The following PHEX variants were observed in gnomAD, a reference collection of about 807,000 sequenced individuals.
PHEX encodes the protein phosphate regulating endopeptidase X-linked, also known as phosphate-regulating neutral endopeptidase PHEX.
A neutral mutation model predicts 68.0 loss-of-function variants in PHEX; 16 were observed. The observed-to-expected ratio is 0.24, with a 90% CI of 0.16 to 0.36. PHEX has a LOEUF of 0.36. Ranked by LOEUF, PHEX falls within the 10% of genes least tolerant of loss-of-function variation. The probability of loss-of-function intolerance (pLI) is 1.00; values close to 1 mark genes in which losing one functional copy is unlikely to be tolerated. For synonymous variants in PHEX, 208 were observed against 205.1 expected (o/e 1.01, Z -0.12); for missense variants, 480 against 575.5 (o/e 0.83, Z 1.70).
chrX:22,221,793 A>ATTTTTCCTCC (rs1407609327), intron 18 of PHEX, 50 bp downstream of exon 18: 2 of 1,083,962 alleles, frequency 1.8e-6, no homozygotes, highest in Admixed American at 4.4e-5. Flanking sequence ...ATTTTTCCTC[A>ATTTTTCCTCC]TTTGGACATT....
intron 15 of PHEX, among the ~76,000 whole-genome samples, chrX:22,211,257 C>G (rs894633368): frequency 1.8e-5 from 2 of 112,117 alleles, no homozygotes; most frequent in African/African-American, 6.5e-5. Flanking sequence ...TGTGGGGTCT[C>G]TTGTTCCAAA....
At chrX:22,033,262 C>A in intron 1 of PHEX, 139 bp downstream of exon 1, 1 of 496,305 alleles carries the variant, frequency 2.0e-6, no homozygotes, top group South Asian at 2.9e-5. Context: ...TAGTTTCTAT[C>A]AAATATGCAA....
At chrX:22,227,275 A>G (rs998814628) in intron 19 of PHEX, among the ~76,000 whole-genome samples, 5 of 112,692 alleles carry the variant, frequency 4.4e-5, no homozygotes, top group Non-Finnish European at 9.4e-5. Context: ...GAGTTATTTA[A>G]CATCTGAATG....
At chrX:22,245,748 A>G (rs1231457008) in intron 21 of PHEX, among the ~76,000 whole-genome samples, 3 of 111,523 alleles carry the variant, frequency 2.7e-5, no homozygotes, top group Non-Finnish European at 5.6e-5. Flanking sequence ...ATTACATCCC[A>G]TTATCTTCTA....
chrX:22,178,812 G>GCATTACCTATAGCTATATTGTTTTT (rs1933791619), intron 14 of PHEX, among the ~76,000 whole-genome samples: 1 of 111,804 alleles, frequency 8.9e-6, no homozygotes, highest in Admixed American at 9.5e-5. Flanking sequence ...GCCTATCAAA[G>GCATTACCTATAGCTATATTGTTTTT]AACTGATAGC....
chrX:22,222,000 A>G (rs956099191), intron 18 of PHEX, among the ~76,000 whole-genome samples: 2 of 111,787 alleles, frequency 1.8e-5, no homozygotes, highest in African/African-American at 6.5e-5. Flanking sequence ...AATCCTTGCT[A>G]TGCCTCAAAT....
At chrX:22,067,269 T>C (rs772768920) in intron 3 of PHEX, among the ~76,000 whole-genome samples, 7 of 109,651 alleles carry the variant, frequency 6.4e-5, no homozygotes, top group Non-Finnish European at 1.1e-4. Context: ...AGAAATACCC[T>C]GTATGGTATT....
chrX:22,074,720 A>G (rs1369029905), intron 3 of PHEX, among the ~76,000 whole-genome samples: 1 of 111,053 alleles, frequency 9.0e-6, no homozygotes, highest in Non-Finnish European at 1.9e-5. Flanking sequence ...TTGAATGGAA[A>G]TATATGTGGA....
intron 15 of PHEX, among the ~76,000 whole-genome samples, chrX:22,210,138 C>A (rs1473101315): frequency 9.0e-6 from 1 of 111,659 alleles, no homozygotes; most frequent in African/African-American, 3.3e-5. Flanking sequence ...ATCTATCACT[C>A]TAGCTGGTTG....
chrX:22,128,328 G>A (rs957759135), intron 11 of PHEX, among the ~76,000 whole-genome samples: 2 of 110,312 alleles, frequency 1.8e-5, no homozygotes, highest in Admixed American at 2.0e-4. Flanking sequence ...CTCCCAAAGT[G>A]CTGGGATTAC....
intron 12 of PHEX, among the ~76,000 whole-genome samples, chrX:22,147,140 CTT>C (rs1932735795): frequency 9.0e-6 from 1 of 111,357 alleles, no homozygotes; most frequent in Non-Finnish European, 1.9e-5. Context: ...ATGCCTGTCT[CTT>C]GTTTCTTTTG....
chrX:22,097,738 T>G, intron 8 of PHEX: 3 of 721,603 alleles, frequency 4.2e-6, no homozygotes, highest in Non-Finnish European at 4.9e-6. Context: ...AGGGATGCTC[T>G]GAAGAATGGA....
intron 14 of PHEX, among the ~76,000 whole-genome samples, chrX:22,188,011 T>C (rs1934085222): frequency 1.8e-5 from 2 of 111,516 alleles, no homozygotes; most frequent in African/African-American, 6.5e-5. Context: ...GAATAGAAGG[T>C]GCTTAGGACA....
chrX:22,192,880 C>T (rs1352450455), intron 15 of PHEX, among the ~76,000 whole-genome samples: 1 of 111,189 alleles, frequency 9.0e-6, no homozygotes, highest in East Asian at 2.8e-4. Flanking sequence ...TTCTTAGAGC[C>T]GCCCTCGTGT....
At chrX:22,166,264 T>C (rs1209288353) in intron 12 of PHEX, among the ~76,000 whole-genome samples, 6 of 111,809 alleles carry the variant, frequency 5.4e-5, no homozygotes, top group Non-Finnish European at 9.4e-5. Context: ...TCATCTCCTT[T>C]TATTCCCATG....
At chrX:22,166,710 G>C (rs1312281686) in intron 12 of PHEX, among the ~76,000 whole-genome samples, 2 of 110,852 alleles carry the variant, frequency 1.8e-5, no homozygotes, top group East Asian at 5.6e-4. Context: ...TCACTATGTT[G>C]TACAATACAT....
At chrX:22,111,327 T>TC in intron 9 of PHEX, 140 bp from the exon 10 acceptor site, 3 of 563,718 alleles carry the variant, frequency 5.3e-6, no homozygotes, top group Non-Finnish European at 9.4e-6. Flanking sequence ...TTATGTCATT[T>TC]CTCAAGTGAA....
At chrX:22,239,452 G>C (rs769449765) in intron 20 of PHEX, among the ~76,000 whole-genome samples, 1 of 111,099 alleles carries the variant, frequency 9.0e-6, no homozygotes, top group Non-Finnish European at 1.9e-5. Context: ...CGAGGTAAAG[G>C]AGCATGTTCT....
intron 15 of PHEX, among the ~76,000 whole-genome samples, chrX:22,202,704 G>A (rs1028925045): frequency 1.8e-5 from 2 of 111,363 alleles, no homozygotes; most frequent in Non-Finnish European, 3.8e-5. Context: ...CCCAGGCCTG[G>A]GCTGAATATC....
Sources: gnomAD v4.1 joint callset for allele counts (sites outside exome capture counted in the v4.1 genomes callset) on GRCh38, gnomAD v4.1.1 for gene constraint, MANE v1.5 for transcripts, NCBI Gene and HGNC (gene_info 2026-07-23, HGNC 2026-07-21) for gene names.